RNF145: variants seen among roughly 807,000 people sequenced by gnomAD.
RNF145 encodes ring finger protein 145.
Under a neutral mutation model 57.3 loss-of-function variants are expected in RNF145, and 12 were observed. That is an observed-to-expected ratio of 0.21 (90% CI 0.13 to 0.34). RNF145 has a LOEUF of 0.34. RNF145 is among the 10% of genes least tolerant of loss of function. RNF145 has a pLI of 1.00. For synonymous variants in RNF145, 262 were observed against 288.3 expected (o/e 0.91, Z 0.92); for missense variants, 429 against 799.0 (o/e 0.54, Z 5.58).
chr5:159,158,884 A>C lies in RNF145; in HGVS notation c.1778T>G (p.Leu593Arg). The change falls in exon 11 of 11, where the codon CTA (leucine) becomes CGA (arginine). Residue 593 changes from leucine to arginine, a missense_variant. Coordinates refer to ENST00000424310, the MANE Select transcript of RNF145 (RefSeq NM_001199383.2). ...TTGCTCAGCTCCAGCATGAGGCTGT[A>C]GAACTGGCTCAGTTCCTAATCCTGG... ...QLPGLGTEPV[L>R]QPHAGAEQNV... The C allele has an allele frequency of 2.5e-6, 4 of 1,613,956 alleles. No homozygotes were observed. The highest frequency in any genetic ancestry group is 3.4e-6 in the Non-Finnish European group (4 of 1,179,876).
intron 1 of RNF145, chr5:159,207,810 G>A (rs1785950658): frequency 6.2e-7 from 1 of 1,614,028 alleles, no homozygotes; most frequent in East Asian, 2.2e-5. Flanking sequence ...CTCCCAAACC[G>A]CAAAGACAGG....
chr5:159,187,338 AT>A (rs1387054145), intron 3 of RNF145, among the ~76,000 whole-genome samples: 2 of 150,224 alleles, frequency 1.3e-5, no homozygotes, highest in African/African-American at 2.4e-5. Context: ...AAGAAAAAAA[AT>A]TTTTTTTTGA....
intron 2 of RNF145, among the ~76,000 whole-genome samples, chr5:159,196,123 C>CTATA (rs1349616666): frequency 6.6e-6 from 1 of 152,100 alleles, no homozygotes; most frequent in African/African-American, 2.4e-5. Flanking sequence ...TTTGTATACC[C>CTATA]TATACTTCAA....
Position 159,174,141 on chromosome 5 carries a change from G to T in RNF145, c.639C>A (p.Gly213=). ...ACAGGGACATTCCCAAGGCGAGAAG[G>T]CCATATACCTCCACTACCTAAATAA... The part of the protein sequence containing the change: ...RELVQVVEVY[G]LLALGMSLWN... The change falls in exon 6 of 11, where the codon GGC becomes GGA. Residue 213 remains glycine (G), a synonymous_variant. Coordinates refer to ENST00000424310, the MANE Select transcript of RNF145 (RefSeq NM_001199383.2). 6.2e-7 allele frequency: 1 copy of T among 1,607,806 alleles called. No individual in the cohort carries two copies.
At chr5:159,207,607 C>A in intron 1 of RNF145, 1 of 1,595,598 alleles carries the variant, frequency 6.3e-7, no homozygotes, top group Non-Finnish European at 8.5e-7. Context: ...ATGTTAAGAG[C>A]ACAAAGCTAG....
At chr5:159,184,384 G>C (rs1311070212) in intron 3 of RNF145, among the ~76,000 whole-genome samples, 1 of 152,162 alleles carries the variant, frequency 6.6e-6, no homozygotes, top group Non-Finnish European at 1.5e-5. Flanking sequence ...AACTCAAAAA[G>C]AAATTACTGA....
At chr5:159,168,558 C>T (rs1691650989) in intron 8 of RNF145, among the ~76,000 whole-genome samples, 1 of 151,990 alleles carries the variant, frequency 6.6e-6, no homozygotes, top group South Asian at 2.1e-4. Context: ...ATTTTATGCT[C>T]TATGTTCTTA....
chr5:159,173,223 C>A (rs929941502), intron 6 of RNF145, among the ~76,000 whole-genome samples: 48 of 152,112 alleles, frequency 3.2e-4, no homozygotes, highest in African/African-American at 1.2e-3. Context: ...TCTTACAACA[C>A]TATGAGATTT....
At position 159,209,428 on chromosome 5, in the gene RNF145, G is replaced by GCAGCGA; in HGVS notation, c.-238_-237insTCGCTG. Reference sequence around the variant, plus strand: ...GGCGGAGGCAGCGGCAGCGGCAGCGGCCCGGCCCGTACGGTCACCATCGTC... The same window carrying GCAGCGA: ...GGCGGAGGCAGCGGCAGCGGCAGCGGCAGCGACCCGGCCCGTACGGTCACCATCGTC... On this transcript the variant is annotated 5_prime_UTR_variant, in exon 1 of 11. Coordinates refer to ENST00000424310, the MANE Select transcript of RNF145 (RefSeq NM_001199383.2). 1 of 982,410 alleles carries GCAGCGA rather than the reference G, an allele frequency of 1.0e-6. No individual in the cohort carries two copies. Among genetic ancestry groups the GCAGCGA allele is most frequent in the Non-Finnish European group, 1.2e-6 (1 of 826,992 alleles). 60.9% of individuals were successfully genotyped at this position (982,410 alleles called of 1,614,324 possible).
rs1470303875 is a variant in RNF145 at position 159,208,185 on chromosome 5, G to T, written c.-40+1046C>A. ...AACTACAGTAACCCCAACCCAGCTC[G>T]CGGCAAGCAGGCAGCGCAGCAGCAG... On this transcript the variant is annotated intron_variant, in intron 1 of 10. Coordinates refer to ENST00000424310, the MANE Select transcript of RNF145 (RefSeq NM_001199383.2). 3 of 1,357,042 alleles carry T rather than the reference G, an allele frequency of 2.2e-6. No individual in the cohort carries two copies. In the East Asian group the frequency reaches 8.9e-5, roughly 40 times the overall value. 84.1% of individuals were successfully genotyped at this position (1,357,042 alleles called of 1,614,324 possible).
Position 159,199,077 on chromosome 5 carries a change from T to A in RNF145, c.185-4253A>T, listed in dbSNP as rs192857919. ...AACCCCCTTCTTACCTTAAAGGAGC[T>A]CACAATCTATTAACAGTTGGGAAAA... is the stretch of plus-strand genomic sequence containing the variant. On this transcript the variant is annotated intron_variant, in intron 2 of 10. Coordinates refer to ENST00000424310, the MANE Select transcript of RNF145 (RefSeq NM_001199383.2). Among the ~76,000 whole-genome samples, 332 of 152,256 alleles carry A rather than the reference T, an allele frequency of 2.2e-3. 2 individuals carry two copies. Among genetic ancestry groups the A allele is most frequent in the African/African-American group, 7.6e-3 (317 of 41,532 alleles).
rs1584712893 is a variant in RNF145 at position 159,203,422 on chromosome 5, G to A, written c.184+12C>T. On this transcript the variant is annotated intron_variant, in intron 2 of 10. Transcript: ENST00000424310. Reference sequence around the variant, plus strand: ...TCACTAGAAGATTAGAAAATGTGATGTAGACACTCACCTACATAATGCATA... The same window carrying A: ...TCACTAGAAGATTAGAAAATGTGATATAGACACTCACCTACATAATGCATA... The A allele has an allele frequency of 6.5e-7, 1 of 1,540,326 alleles. No homozygotes were observed. Among genetic ancestry groups the A allele is most frequent in the Non-Finnish European group, 9.0e-7 (1 of 1,113,258 alleles).
intron 1 of RNF145, among the ~76,000 whole-genome samples, chr5:159,207,317 T>C (rs954258993): frequency 2.1e-4 from 32 of 152,294 alleles, no homozygotes; most frequent in African/African-American, 7.2e-4. Context: ...TGTGATTTTT[T>C]ATTTCTCTTA....
At chr5:159,201,041 G>A (rs1243265080) in intron 2 of RNF145, among the ~76,000 whole-genome samples, 1 of 152,144 alleles carries the variant, frequency 6.6e-6, no homozygotes, top group Non-Finnish European at 1.5e-5. Flanking sequence ...CCTATGGAAA[G>A]TACTATCTGT....
At chr5:159,179,532 C>T (rs1015904085) in intron 4 of RNF145, among the ~76,000 whole-genome samples, 7 of 152,026 alleles carry the variant, frequency 4.6e-5, no homozygotes, top group African/African-American at 1.7e-4. Context: ...AAAACATGCT[C>T]CTTAATAGTT....
intron 2 of RNF145, 127 bp downstream of exon 2, chr5:159,203,307 C>T (rs2113241333): frequency 1.5e-6 from 1 of 648,530 alleles, no homozygotes; most frequent in South Asian, 2.0e-5. Flanking sequence ...TTCATAAACA[C>T]TCATCAATAA....
rs1227567661 is a variant in RNF145, at chr5:159,167,970, C to T, written c.1121+903G>A. On this transcript the variant is annotated intron_variant, in intron 8 of 10. Transcript: ENST00000424310. ...CTGTTCCCTTACTATAAAAGGCTAC[C>T]GAAGAAGCAATAAATTCAGATGTAT... is the stretch of plus-strand genomic sequence containing the variant. 5.3e-5 allele frequency among the ~76,000 whole-genome samples: 8 copies of T among 151,848 alleles called. No homozygotes were observed. In the South Asian group the frequency reaches 1.7e-3, roughly 32 times the overall value.
intron 1 of RNF145, among the ~76,000 whole-genome samples, chr5:159,205,672 G>C (rs1478346562): frequency 6.6e-6 from 1 of 151,960 alleles, no homozygotes; most frequent in Non-Finnish European, 1.5e-5. Flanking sequence ...TGAGATGACA[G>C]TATTACTGAC....
chr5:159,184,710 T>C (rs182493499), intron 3 of RNF145, among the ~76,000 whole-genome samples: 2 of 152,352 alleles, frequency 1.3e-5, no homozygotes, highest in East Asian at 3.9e-4. Flanking sequence ...ATACTACTTA[T>C]TTTACTTCTC....
Sources: gnomAD v4.1 joint callset for allele counts (sites outside exome capture counted in the v4.1 genomes callset) on GRCh38, gnomAD v4.1.1 for gene constraint, MANE v1.5 for transcripts, NCBI Gene and HGNC (gene_info 2026-07-23, HGNC 2026-07-21) for gene names.